TDRD10: variants seen among roughly 807,000 people sequenced by gnomAD.
TDRD10 encodes the protein tudor domain containing 10.
Under a neutral mutation model 48.0 loss-of-function variants are expected in TDRD10, and 40 were observed. That is an observed-to-expected ratio of 0.83 (90% CI 0.65 to 1.09). The LOEUF (loss-of-function observed/expected upper bound fraction) is 1.09, where lower values mean the gene tolerates loss of function less well. Ranked by LOEUF, TDRD10 falls within the 50% of genes least tolerant of loss-of-function variation. The pLI, the probability that TDRD10 is intolerant of heterozygous loss-of-function variation, is 0.00. For synonymous variants in TDRD10, 162 were observed against 170.4 expected, an observed-to-expected ratio of 0.95 and a Z score of 0.38; for missense variants, 378 against 434.7, an observed-to-expected ratio of 0.87 and a Z score of 1.16.
chr1:154,503,073 T>C (rs1217436315), intron 1 of TDRD10, 44 bp downstream of exon 1: 1 of 148,842 alleles, frequency 6.7e-6, no homozygotes, highest in Non-Finnish European at 1.5e-5. Context: ...AGGCGAGGGT[T>C]GGGAGGGAGG....
chr1:154,521,289 G>A (rs762567087), intron 5 of TDRD10, 34 bp from the exon 6 acceptor site: 2 of 1,610,108 alleles, frequency 1.2e-6, no homozygotes, highest in Non-Finnish European at 1.7e-6. Flanking sequence ...CTGGAGATGT[G>A]CTCAAAGCCT....
intron 11 of TDRD10, 79 bp downstream of exon 11, chr1:154,545,028 G>A (rs3811449): frequency 0.2 from 309,237 of 1,552,712 alleles, 31,915 homozygotes; most frequent in South Asian, 0.23. Flanking sequence ...TGAACAGGAA[G>A]CAGCATAGTG....
chr1:154,530,518 C>T (rs1028497377), intron 6 of TDRD10, among the ~76,000 whole-genome samples: 6 of 151,646 alleles, frequency 4.0e-5, no homozygotes, highest in African/African-American at 1.5e-4. Context: ...GATTCACCTG[C>T]CTCAGCCTCC....
At chr1:154,518,378 G>A (rs555738509) in intron 4 of TDRD10, among the ~76,000 whole-genome samples, 29 of 152,186 alleles carry the variant, frequency 1.9e-4, no homozygotes, top group South Asian at 1.5e-3. Flanking sequence ...AGATATGCAC[G>A]AGGCAATTTT....
chr1:154,533,917 T>G (rs933075601), intron 6 of TDRD10, among the ~76,000 whole-genome samples: 1 of 151,510 alleles, frequency 6.6e-6, no homozygotes. Context: ...TTCTATTGTT[T>G]GTAGAGATGG....
chr1:154,512,604 A>G (rs1349112850), intron 4 of TDRD10, among the ~76,000 whole-genome samples: 1 of 152,116 alleles, frequency 6.6e-6, no homozygotes, highest in Non-Finnish European at 1.5e-5. Context: ...TCAGCCTCCC[A>G]AAGTGCGGGG....
At chr1:154,505,642 C>A (rs1401973022) in intron 1 of TDRD10, among the ~76,000 whole-genome samples, 1 of 152,082 alleles carries the variant, frequency 6.6e-6, no homozygotes, top group East Asian at 1.9e-4. Flanking sequence ...TTTAAAATGA[C>A]TTTGACGCCT....
At chr1:154,531,974 A>G (rs565707380) in intron 6 of TDRD10, among the ~76,000 whole-genome samples, 50 of 152,308 alleles carry the variant, frequency 3.3e-4, no homozygotes, top group African/African-American at 1.1e-3. Context: ...TCCCTTAGCT[A>G]GTCATAAAGG....
intron 6 of TDRD10, among the ~76,000 whole-genome samples, chr1:154,540,584 T>TCATGATTG (rs987759688): frequency 5.3e-5 from 8 of 152,022 alleles, no homozygotes; most frequent in African/African-American, 1.9e-4. Context: ...CTTTATTTGT[T>TCATGATTG]CATGATTGCA....
At chr1:154,507,145 G>A in intron 2 of TDRD10, 96 bp from the exon 3 acceptor site, 1 of 1,567,276 alleles carries the variant, frequency 6.4e-7, no homozygotes, top group Non-Finnish European at 8.7e-7. Flanking sequence ...AAGGGGAATG[G>A]AGGTTTATGC....
chr1:154,515,708 G>A (rs1693725511), intron 4 of TDRD10, among the ~76,000 whole-genome samples: 1 of 152,020 alleles, frequency 6.6e-6, no homozygotes. Flanking sequence ...CACACCTGCT[G>A]CTTACTCCTC....
chr1:154,544,480 G>A lies in TDRD10; in HGVS notation c.760G>A (p.Glu254Lys). The A allele has an allele frequency of 6.2e-7, 1 of 1,613,830 alleles. No homozygotes were observed. The highest frequency in any genetic ancestry group is 1.3e-5 in the African/African-American group (1 of 75,058). Residue 254 changes from glutamate to lysine, a missense_variant, in exon 10 of 13, where the codon GAG (glutamate) becomes AAG (lysine). Glu to Lys is a moderately conservative substitution (Grantham distance 56, BLOSUM62 1). This residue lies in a region of TDRD10 where 310 missense variants were observed against 323.6 expected (regional missense o/e 0.96). Transcript: ENST00000368482. ...TVMRGTRCLA[E>K]YHLGDYGHAW... is the part of the protein sequence containing the mutation. ...TATGCGCGGGACTCGCTGTCTGGCA[G>A]AGTACCACCTGGGGGATTATGGACA...
intron 9 of TDRD10, 98 bp downstream of exon 9, chr1:154,544,208 A>G (rs1695420359): frequency 6.3e-7 from 1 of 1,582,374 alleles, no homozygotes; most frequent in East Asian, 2.3e-5. Context: ...GTGGAGATGC[A>G]GGGTAACTAC....
intron 6 of TDRD10, among the ~76,000 whole-genome samples, chr1:154,526,770 G>A (rs78664422): frequency 0.15 from 22,166 of 148,304 alleles, 1,861 homozygotes; most frequent in East Asian, 0.34. Flanking sequence ...TGTATTTTTT[G>A]GTATGGATGG....
At chr1:154,519,897 C>T (rs2149325119) in intron 4 of TDRD10, among the ~76,000 whole-genome samples, 1 of 152,166 alleles carries the variant, frequency 6.6e-6, no homozygotes, top group Non-Finnish European at 1.5e-5. Context: ...GGAACCATAT[C>T]CCCGGGCAGA....
At chr1:154,539,600 G>T (rs1353433764) in intron 6 of TDRD10, among the ~76,000 whole-genome samples, 1 of 152,130 alleles carries the variant, frequency 6.6e-6, no homozygotes, top group African/African-American at 2.4e-5. Context: ...GGCGTGAGCC[G>T]CAGTACCCAG....
In TDRD10 at chr1:154,542,044, T is replaced by C. The variant is rs775149736; in HGVS notation, c.390T>C (p.Gly130=). 1.2e-6 allele frequency: 2 copies of C among 1,613,878 alleles called. No homozygotes were observed. The highest frequency in any genetic ancestry group is 1.3e-5 in the African/African-American group (1 of 74,916). ...CCCAGGTGTTGGAGAAGGCTTCTGG[T>C]GAAGGATTTGGCAAAACCGCCGGTG... is the stretch of plus-strand genomic sequence containing the variant. The part of the protein sequence containing the change: ...RAPLVLEKAS[G]EGFGKTAAII... Residue 130 remains glycine, a synonymous_variant, in exon 7 of 13, where the codon GGT becomes GGC. Transcript: ENST00000368482.
intron 6 of TDRD10, among the ~76,000 whole-genome samples, chr1:154,534,828 T>G (rs560449101): frequency 6.7e-6 from 1 of 150,080 alleles, no homozygotes; most frequent in Non-Finnish European, 1.5e-5. Flanking sequence ...ACAACACGCA[T>G]CCAGGCAGTG....
intron 11 of TDRD10, among the ~76,000 whole-genome samples, chr1:154,546,007 T>A (rs1355024445): frequency 7.2e-6 from 1 of 139,798 alleles, no homozygotes; most frequent in Non-Finnish European, 1.5e-5. Flanking sequence ...ACTCCTGACC[T>A]CGTGATCCGC....
Sources: gnomAD v4.1 joint callset for allele counts (sites outside exome capture counted in the v4.1 genomes callset) on GRCh38, gnomAD v4.1.1 for gene constraint, gnomAD v4.1.1 regional missense constraint, MANE v1.5 for transcripts, NCBI Gene and HGNC (gene_info 2026-07-23, HGNC 2026-07-21) for gene names.